The following ZC3H11A variants were observed in gnomAD, a reference collection of about 807,000 sequenced individuals.
The protein encoded by ZC3H11A is zinc finger CCCH-type containing 11A, also known as zinc finger CCCH domain-containing protein 11A.
In ZC3H11A, 22 loss-of-function variants were observed where a neutral mutation model predicts 90.8. That is an observed-to-expected ratio of 0.24 (90% confidence interval 0.17 to 0.35). ZC3H11A has a LOEUF of 0.35. ZC3H11A is among the 10% of genes least tolerant of loss of function. The pLI, the probability that ZC3H11A is intolerant of heterozygous loss-of-function variation, is 1.00. For synonymous variants in ZC3H11A, 294 were observed against 339.8 expected, an observed-to-expected ratio of 0.87 and a Z score of 1.48; for missense variants, 701 against 964.9, an observed-to-expected ratio of 0.73 and a Z score of 3.62.
chr1:203,852,654 C>G lies in ZC3H11A; in HGVS notation c.*255C>G, dbSNP rs753759544. 4.0e-4 allele frequency: 193 copies of G among 483,548 alleles called. No individual in the cohort carries two copies. The highest frequency in any genetic ancestry group is 6.4e-4 in the Non-Finnish European group (172 of 270,246). 30.0% of individuals were successfully genotyped at this position (483,548 alleles called of 1,614,324 possible). A position where few individuals can be genotyped will look rare whatever the true frequency, so the allele number is the denominator to read the frequency against. ...AAAAAGTTCTGTCATACCCTTCTCT[C>G]CACAAAAAAGAGACTGAGAGGGAGA... On this transcript the variant is annotated 3_prime_UTR_variant, in exon 18 of 18. Transcript: ENST00000367210.
chr1:203,825,607 G>C (rs1002732313), intron 4 of ZC3H11A, among the ~76,000 whole-genome samples: 1 of 151,828 alleles, frequency 6.6e-6, no homozygotes, highest in Non-Finnish European at 1.5e-5. Context: ...GCTAATTTTT[G>C]TATTTTTTAG....
At chr1:203,838,954 C>CAA (rs59033094) in intron 11 of ZC3H11A, among the ~76,000 whole-genome samples, 17 of 97,884 alleles carry the variant, frequency 1.7e-4, no homozygotes, top group Middle Eastern at 4.5e-3. Context: ...GACTTCATCT[C>CAA]AAAAAAAAAA....
intron 3 of ZC3H11A, 100 bp downstream of exon 3, chr1:203,817,224 T>C (rs1676649753): frequency 1.0e-6 from 1 of 966,638 alleles, no homozygotes; most frequent in African/African-American, 1.7e-5. Context: ...TATATATATA[T>C]TTTTTGCCCA....
chr1:203,818,050 T>A (rs574995839), intron 3 of ZC3H11A, among the ~76,000 whole-genome samples: 17 of 152,192 alleles, frequency 1.1e-4, no homozygotes, highest in Admixed American at 5.2e-4. Context: ...CCCGGTGATA[T>A]TATGTTTTAA....
chr1:203,838,034 G>T lies in ZC3H11A; in HGVS notation c.943G>T (p.Glu315Ter). ...GCTAGGGAAGAAAGTTGAAGCTCCA[G>T]AAACTAACATTGACAAAACACCAAA... ...QRLGKKVEAP[E>*]TNIDKTPKKA... The change falls in exon 11 of 18, where the codon GAA becomes TAA. Residue 315 changes from glutamate (E) to a stop codon, truncating the protein, a stop_gained. Coordinates refer to ENST00000367210, the MANE Select transcript of ZC3H11A (RefSeq NM_001376342.1). LOFTEE classifies it high-confidence loss of function. The T allele has an allele frequency of 6.2e-7, 1 of 1,614,182 alleles. No homozygotes were observed.
rs1210806012 is a variant in ZC3H11A at position 203,798,017 on chromosome 1, C to T, written c.-1588+2223C>T. 9 of 1,532,646 alleles carry T rather than the reference C, an allele frequency of 5.9e-6. No individual in the cohort carries two copies. The Admixed American group carries it at 5.9e-5, about 10-fold the overall frequency. The allele number at this position is 1,532,646 out of a possible 1,614,324, so 94.9% of individuals were successfully genotyped here. ...GCGTCAGCAGGGGTAAACCAGGTAGCCATCTTGGTACATCTACTCTTCAAC... is the reference window on the plus strand; with the variant it reads ...GCGTCAGCAGGGGTAAACCAGGTAGTCATCTTGGTACATCTACTCTTCAAC... On this transcript the variant is annotated intron_variant, in intron 1 of 17. Transcript: ENST00000367210.
intron 11 of ZC3H11A, among the ~76,000 whole-genome samples, chr1:203,838,576 T>G (rs1366565391): frequency 2.0e-5 from 3 of 151,890 alleles, no homozygotes; most frequent in East Asian, 1.9e-4. Context: ...GGCTGAAGAG[T>G]GTGGTGACTA....
chr1:203,830,616 T>A (rs1041496420), intron 8 of ZC3H11A, among the ~76,000 whole-genome samples: 1 of 152,002 alleles, frequency 6.6e-6, no homozygotes, highest in Non-Finnish European at 1.5e-5. Flanking sequence ...ATCCAGACCA[T>A]CCTGGCCAAC....
chr1:203,836,478 G>A (rs995254411), intron 10 of ZC3H11A, among the ~76,000 whole-genome samples: 4 of 152,138 alleles, frequency 2.6e-5, no homozygotes, highest in African/African-American at 7.2e-5. Context: ...GGCTGGGCGC[G>A]GTAGCTTACG....
intron 12 of ZC3H11A, among the ~76,000 whole-genome samples, chr1:203,843,168 C>T (rs1686954045): frequency 1.3e-5 from 2 of 152,116 alleles, no homozygotes; most frequent in Admixed American, 1.3e-4. Context: ...CCCTAGTATG[C>T]TGCAGGTTCA....
chr1:203,833,827 G>T lies in ZC3H11A; in HGVS notation c.848G>T (p.Arg283Ile). 1 of 1,610,474 alleles carries T rather than the reference G, an allele frequency of 6.2e-7. No individual in the cohort carries two copies. The highest frequency in any genetic ancestry group is 1.1e-5 in the South Asian group (1 of 90,194). The change falls in exon 10 of 18, where the codon AGA becomes ATA. Residue 283 changes from arginine to isoleucine, a missense_variant. Physicochemically the swap from Arg to Ile is moderately conservative, Grantham distance 97. Transcript: ENST00000367210. ...EPLVRLSLTE[R>I]LGKRKFSAGG... is the part of the protein sequence containing the mutation. ...TTGGTTAGATTGAGTCTTACTGAGA[G>T]ACTGGGGAAACGAAAATTTTCAGCA... is the stretch of plus-strand genomic sequence containing the variant.
intron 9 of ZC3H11A, among the ~76,000 whole-genome samples, chr1:203,832,528 T>G (rs2103055178): frequency 6.6e-6 from 1 of 152,230 alleles, no homozygotes; most frequent in East Asian, 1.9e-4. Flanking sequence ...GCCTGGCTAA[T>G]TTTTGTATTT....
intron 1 of ZC3H11A, chr1:203,797,259 G>C: frequency 3.8e-6 from 1 of 261,018 alleles, no homozygotes; most frequent in Non-Finnish European, 7.2e-6. Flanking sequence ...TCTGTAACAT[G>C]AGGACACTGG....
chr1:203,850,674 C>T lies in ZC3H11A; in HGVS notation c.2099C>T (p.Ala700Val). 1 of 1,613,838 alleles carries T rather than the reference C, an allele frequency of 6.2e-7. No individual in the cohort carries two copies. Among genetic ancestry groups the T allele is most frequent in the Non-Finnish European group, 8.5e-7 (1 of 1,179,816 alleles). The change falls in exon 16 of 18, where the codon GCA becomes GTA. Residue 700 changes from alanine to valine, a missense_variant. Transcript: ENST00000367210. Reference protein sequence around the residue: ...SVLQEPPAKKAAVAVVPLVSE... With the variant: ...SVLQEPPAKKVAVAVVPLVSE... ...CTACAGGAACCCCCAGCCAAAAAGG[C>T]AGCTGTGGTAAGAAGTATATTCACT... is the stretch of plus-strand genomic sequence containing the variant.
rs1685717044 is a variant in ZC3H11A at position 203,840,353 on chromosome 1, C to G, written c.1021C>G (p.Pro341Ala). The G allele has an allele frequency of 6.2e-7, 1 of 1,613,240 alleles. No homozygotes were observed. Among genetic ancestry groups the G allele is most frequent in the Non-Finnish European group, 8.5e-7 (1 of 1,179,428 alleles). ...GGAGCGATTAGGCATGTCAGCTGAT[C>G]CAGATAATGAGGATGCAACAGGTAA... is the stretch of plus-strand genomic sequence containing the variant. The part of the protein sequence containing the change: ...LKERLGMSAD[P>A]DNEDATDKVN... The change falls in exon 12 of 18, where the codon CCA (proline) becomes GCA (alanine). Residue 341 changes from proline to alanine, a missense_variant. By Grantham distance (27) the Pro-to-Ala change is conservative (BLOSUM62 -1). Transcript: ENST00000367210.
intron 10 of ZC3H11A, chr1:203,835,499 GATTTTAAGAGCAGT>G (rs1229007018): frequency 6.4e-6 from 1 of 157,432 alleles, no homozygotes; most frequent in African/African-American, 2.4e-5. Context: ...AACAGTTCTA[GATTTTAAGAGCAGT>G]ATTTTATTTT....
rs1689645814 is a variant in ZC3H11A at position 203,853,360 on chromosome 1, G to A, written c.*961G>A. On this transcript the variant is annotated 3_prime_UTR_variant, in exon 18 of 18. Coordinates refer to ENST00000367210, the MANE Select transcript of ZC3H11A (RefSeq NM_001376342.1). Reference sequence around the variant, plus strand: ...TGCCAATATTTATCTATGGGCTGTAGCAGTACACTGAATTGTACTGTGCCA... The same window carrying A: ...TGCCAATATTTATCTATGGGCTGTAACAGTACACTGAATTGTACTGTGCCA... 1 of 152,534 alleles carries A rather than the reference G, an allele frequency of 6.6e-6. No homozygotes were observed. The highest frequency in any genetic ancestry group is 1.5e-5 in the Non-Finnish European group (1 of 68,014). 9.4% of individuals were successfully genotyped at this position (152,534 alleles called of 1,614,324 possible).
intron 14 of ZC3H11A, among the ~76,000 whole-genome samples, chr1:203,848,733 A>G (rs560843324): frequency 2.0e-5 from 3 of 152,226 alleles, no homozygotes; most frequent in Non-Finnish European, 4.4e-5. Flanking sequence ...TAAAAATACA[A>G]AAAATAAAGT....
chr1:203,804,059 G>T (rs1486721921), intron 2 of ZC3H11A, among the ~76,000 whole-genome samples: 16 of 151,650 alleles, frequency 1.1e-4, no homozygotes, highest in Admixed American at 3.3e-4. Flanking sequence ...CATTATCCAG[G>T]TCTTCTGTGC....
Sources: gnomAD v4.1 joint callset for allele counts (sites outside exome capture counted in the v4.1 genomes callset) on GRCh38, gnomAD v4.1.1 for gene constraint, MANE v1.5 for transcripts, NCBI Gene and HGNC (gene_info 2026-07-23, HGNC 2026-07-21) for gene names.